The following MYH11 variants were observed in gnomAD, a reference collection of about 807,000 sequenced individuals.
The protein encoded by MYH11 is myosin heavy chain 11.
In MYH11, 80 loss-of-function variants were observed where a neutral mutation model predicts 246.6. That is an observed-to-expected ratio of 0.32 (90% CI 0.27 to 0.39). MYH11 has a LOEUF of 0.39. Among genes scored for constraint, MYH11 ranks in the 10% least tolerant of loss-of-function variants. The probability of loss-of-function intolerance (pLI) is 1.00; values close to 1 mark genes in which losing one functional copy is unlikely to be tolerated. For synonymous variants in MYH11, 1,071 were observed against 1,015.5 expected (o/e 1.05, Z -1.04); for missense variants, 2,158 against 2,546.8 (o/e 0.85, Z 3.29).
chr16:15,734,290 T>C (rs1034110422), intron 26 of MYH11, among the ~76,000 whole-genome samples: 1 of 133,866 alleles, frequency 7.5e-6, no homozygotes, highest in Non-Finnish European at 1.7e-5. Context: ...TAAGGGTGAT[T>C]TTTTTGTTTT....
chr16:15,803,734 A>T (rs2042943168), intron 3 of MYH11, among the ~76,000 whole-genome samples: 1 of 152,180 alleles, frequency 6.6e-6, no homozygotes, highest in South Asian at 2.1e-4. Flanking sequence ...CTTTCCTGGC[A>T]GCCTTGTGAA....
At chr16:15,756,146 A>G (rs977968074) in intron 14 of MYH11, among the ~76,000 whole-genome samples, 195 bp downstream of exon 14, 4 of 152,248 alleles carry the variant, frequency 2.6e-5, no homozygotes, top group Non-Finnish European at 4.4e-5. Context: ...GTTGGAAAAC[A>G]TGAGAGTGGC....
chr16:15,766,345 GT>G (rs1341849092), intron 9 of MYH11, among the ~76,000 whole-genome samples: 1,796 of 31,906 alleles, frequency 0.056, 29 homozygotes, highest in African/African-American at 0.2. Context: ...ATGTTTTTTG[GT>G]GTGTGTGTGT....
rs2040678071 is a variant in MYH11, at chr16:15,724,970, C to A, written c.3881G>T (p.Gly1294Val). 6.2e-7 allele frequency: 1 copy of A among 1,614,004 alleles called. No individual in the cohort carries two copies. The highest frequency in any genetic ancestry group is 2.2e-5 in the East Asian group (1 of 44,862). The change falls in exon 29 of 41, where the codon GGG (glycine) becomes GTG (valine). Residue 1294 changes from glycine (G) to valine (V), a missense_variant. Coordinates refer to ENST00000300036, the MANE Select transcript of MYH11 (RefSeq NM_002474.3). ...CTTCCCCTCGGCCTCGTTAAGCATC[C>A]CTGTGACGCTCTCAACTTCATTCTA... is the stretch of plus-strand genomic sequence containing the variant. Reference protein sequence around the residue: ...KLQNEVESVTGMLNEAEGKAI... With the variant: ...KLQNEVESVTVMLNEAEGKAI...
At chr16:15,738,467 C>T (rs937390965) in intron 24 of MYH11, 98 bp downstream of exon 24, 116 of 1,177,558 alleles carry the variant, frequency 9.9e-5, no homozygotes, top group Admixed American at 3.2e-4. Context: ...GAGCCATGAT[C>T]GCACCACTGC....
At chr16:15,850,973 T>C (rs1031433600) in intron 1 of MYH11, among the ~76,000 whole-genome samples, 1 of 152,204 alleles carries the variant, frequency 6.6e-6, no homozygotes, top group African/African-American at 2.4e-5. Context: ...TTCACACCTG[T>C]AATCCAAGAA....
chr16:15,747,788 T>C (rs2041459023), intron 18 of MYH11, 58 bp from the exon 19 acceptor site: 3 of 1,612,692 alleles, frequency 1.9e-6, no homozygotes, highest in East Asian at 2.2e-5. Context: ...TGGCCAGTGA[T>C]GACATGGGTA....
In MYH11 at chr16:15,800,597, TTGGATGGA is replaced by T. The variant is rs138132973; in HGVS notation, c.503-1918_503-1911del. ...CAGAGTGTATAGGCCGGTAAATGAG[TTGGATGGA>T]TGGATGGATGGATGGATGGATGGAT... On this transcript the variant is annotated intron_variant, in intron 3 of 40. Coordinates refer to ENST00000300036, the MANE Select transcript of MYH11 (RefSeq NM_002474.3). Among the ~76,000 whole-genome samples the T allele has an allele frequency of 6.3e-3, 902 of 143,186 alleles. 2 individuals are homozygous for T. The highest frequency in any genetic ancestry group is 0.019 in the African/African-American group (726 of 38,244). 93.9% of individuals were successfully genotyped at this position (143,186 alleles called of 152,430 possible). A position where few individuals can be genotyped will look rare whatever the true frequency, so the allele number is the denominator to read the frequency against.
At chr16:15,851,676 G>GA (rs1235793353) in intron 1 of MYH11, among the ~76,000 whole-genome samples, 4 of 151,864 alleles carry the variant, frequency 2.6e-5, no homozygotes, top group African/African-American at 7.3e-5. Context: ...ACTTTTACAG[G>GA]AAAAAAAGTG....
intron 15 of MYH11, 47 bp downstream of exon 15, chr16:15,753,346 AT>A: frequency 6.4e-7 from 1 of 1,557,562 alleles, no homozygotes; most frequent in Non-Finnish European, 8.9e-7. Flanking sequence ...TGGGTGTTCA[AT>A]TCTCCAGCTC....
At chr16:15,720,790 GA>G in intron 33 of MYH11, 48 bp downstream of exon 33, 2 of 1,590,486 alleles carry the variant, frequency 1.3e-6, no homozygotes. Context: ...TGATAGGAAT[GA>G]AAAAGGCCAC....
intron 7 of MYH11, among the ~76,000 whole-genome samples, chr16:15,777,352 C>T (rs904839132): frequency 6.6e-6 from 1 of 152,180 alleles, no homozygotes; most frequent in Non-Finnish European, 1.5e-5. Context: ...AACTCCTGAC[C>T]TCAAGTGGTC....
Position 15,759,703 on chromosome 16 carries a change from G to A in MYH11, c.1274C>T (p.Ala425Val), listed in dbSNP as rs752949440. 1 of 1,614,182 alleles carries A rather than the reference G, an allele frequency of 6.2e-7. No individual in the cohort carries two copies. The highest frequency in any genetic ancestry group is 2.2e-5 in the East Asian group (1 of 44,880). The change falls in exon 12 of 41, where the codon GCC (alanine) becomes GTC (valine). Residue 425 changes from alanine to valine, a missense_variant. Around this residue, in one of 11 missense-constraint regions of MYH11, gnomAD observed 317 missense variants for 507.7 expected, o/e 0.62. Coordinates refer to ENST00000300036, the MANE Select transcript of MYH11 (RefSeq NM_002474.3). Reference sequence around the variant, plus strand: ...GAAAAGGCGCTCATATGTTGCCTTGGCCAAAGCCTCTACAGCAAAGTCAGC... The same window carrying A: ...GAAAAGGCGCTCATATGTTGCCTTGACCAAAGCCTCTACAGCAAAGTCAGC... ...EQADFAVEALAKATYERLFRW... is the reference protein window; with the variant it reads ...EQADFAVEALVKATYERLFRW...
chr16:15,820,552 C>T (rs1236575257), intron 3 of MYH11, among the ~76,000 whole-genome samples: 2 of 151,156 alleles, frequency 1.3e-5, no homozygotes, highest in African/African-American at 4.9e-5. Context: ...TGAATGAACG[C>T]TAAGACCACA....
intron 7 of MYH11, among the ~76,000 whole-genome samples, chr16:15,777,235 C>G (rs2042243425): frequency 6.6e-6 from 1 of 152,132 alleles, no homozygotes; most frequent in Non-Finnish European, 1.5e-5. Flanking sequence ...AATTCTCCTG[C>G]CTCAGCCTCC....
intron 40 of MYH11, among the ~76,000 whole-genome samples, chr16:15,712,189 G>C (rs1337273707): frequency 6.6e-6 from 1 of 152,214 alleles, no homozygotes; most frequent in East Asian, 1.9e-4. Flanking sequence ...GGTGCAGCAT[G>C]TTTGGTGTGA....
chr16:15,806,068 GGAGTTCAAGACCAGCC>G (rs201593832), intron 3 of MYH11, among the ~76,000 whole-genome samples: 2,955 of 151,974 alleles, frequency 0.019, 88 homozygotes, highest in African/African-American at 0.064. Flanking sequence ...CACGAGGTCA[GGAGTTCAAGACCAGCC>G]TGGCCAATAC....
intron 1 of MYH11, among the ~76,000 whole-genome samples, chr16:15,838,964 G>A (rs118187021): frequency 1.3e-5 from 2 of 151,874 alleles, no homozygotes; most frequent in East Asian, 1.9e-4. Flanking sequence ...GTCCTCATAC[G>A]ATTAAACATA....
intron 4 of MYH11, among the ~76,000 whole-genome samples, chr16:15,795,828 A>G (rs1201521548): frequency 3.3e-5 from 5 of 152,156 alleles, no homozygotes; most frequent in African/African-American, 1.2e-4. Context: ...CATTTTACAG[A>G]TGGGGAAACT....
Sources: allele counts gnomAD v4.1 joint callset (sites outside exome capture counted in the v4.1 genomes callset), GRCh38; gene constraint gnomAD v4.1.1; regional missense constraint gnomAD v4.1.1; transcripts MANE v1.5; gene names NCBI Gene and HGNC (gene_info 2026-07-23, HGNC 2026-07-21).